The following CELF4 variants were observed in gnomAD, a reference collection of about 807,000 sequenced individuals.
CELF4 encodes the protein CUG-BP- and ETR-3-like factor 4.
In CELF4, 18 loss-of-function variants were observed where a neutral mutation model predicts 59.9. The ratio of observed to expected loss-of-function variants is 0.30; its 90% confidence interval spans 0.21 to 0.45. The LOEUF (loss-of-function observed/expected upper bound fraction) is 0.45. CELF4 is among the 20% of genes least tolerant of loss of function. The pLI is 1.00. For missense variants in CELF4, 456 were observed against 689.0 expected, an observed-to-expected ratio of 0.66 and a Z score of 3.79; for synonymous variants, 261 against 267.1, an observed-to-expected ratio of 0.98 and a Z score of 0.22.
In CELF4 at chr18:37,270,335, A is replaced by G. The variant is rs375482754; in HGVS notation, c.1099+433T>C. ...CTGGTCTGTACTAGACAGACTGCCA[A>G]TCGTTATACCTCCCTCCACTCCTTC... On this transcript the variant is annotated intron_variant, in intron 8 of 12. Coordinates refer to ENST00000420428, the MANE Select transcript of CELF4 (RefSeq NM_020180.4). 3.9e-5 allele frequency among the ~76,000 whole-genome samples: 6 copies of G among 152,330 alleles called. No homozygotes were observed. In the South Asian group the frequency reaches 8.3e-4, roughly 21 times the overall value.
At chr18:37,448,371 G>A (rs2099753948) in intron 2 of CELF4, among the ~76,000 whole-genome samples, 1 of 152,236 alleles carries the variant, frequency 6.6e-6, no homozygotes, top group Non-Finnish European at 1.5e-5. Flanking sequence ...CCTCTGAGGT[G>A]TGCCTCCAGC....
At chr18:37,346,078 G>A (rs540255943) in intron 2 of CELF4, among the ~76,000 whole-genome samples, 35 of 152,312 alleles carry the variant, frequency 2.3e-4, no homozygotes, top group African/African-American at 7.7e-4. Context: ...CTGCTGGTCC[G>A]CCACAGAGGC....
intron 1 of CELF4, among the ~76,000 whole-genome samples, chr18:37,509,432 A>T (rs1201625834): frequency 6.9e-6 from 1 of 145,370 alleles, no homozygotes; most frequent in East Asian, 1.9e-4. Flanking sequence ...TTGACCCAAG[A>T]CTTGATCTAT....
At chr18:37,426,845 G>A (rs1392529994) in intron 2 of CELF4, among the ~76,000 whole-genome samples, 2 of 152,022 alleles carry the variant, frequency 1.3e-5, no homozygotes, top group African/African-American at 4.8e-5. Flanking sequence ...ATATGCATTT[G>A]TGAGAGATGA....
chr18:37,313,211 G>A (rs775178071), intron 3 of CELF4, among the ~76,000 whole-genome samples: 1 of 152,184 alleles, frequency 6.6e-6, no homozygotes, highest in Non-Finnish European at 1.5e-5. Flanking sequence ...GGACATGCTG[G>A]ACCTGGGAGG....
intron 2 of CELF4, among the ~76,000 whole-genome samples, chr18:37,413,776 G>A (rs183410147): frequency 6.6e-6 from 1 of 152,310 alleles, no homozygotes; most frequent in East Asian, 1.9e-4. Flanking sequence ...TCTCCAAGGA[G>A]CCTATCATCC....
intron 2 of CELF4, among the ~76,000 whole-genome samples, chr18:37,401,548 A>T (rs2099326867): frequency 6.6e-6 from 1 of 152,176 alleles, no homozygotes; most frequent in South Asian, 2.1e-4. Flanking sequence ...TCCTCAGAAC[A>T]GCCTTATGAG....
At chr18:37,446,812 T>C (rs1161882524) in intron 2 of CELF4, among the ~76,000 whole-genome samples, 3 of 152,018 alleles carry the variant, frequency 2.0e-5, no homozygotes, top group Non-Finnish European at 4.4e-5. Flanking sequence ...GAGAAGACCA[T>C]GGTGTTGCTG....
At chr18:37,252,036 C>T (rs1342717489) in intron 12 of CELF4, among the ~76,000 whole-genome samples, 1 of 152,078 alleles carries the variant, frequency 6.6e-6, no homozygotes. Flanking sequence ...GAGAGAAGGC[C>T]CCTGCTCTCT....
Position 37,246,064 on chromosome 18 carries a change from C to G in CELF4, c.*45-867G>C, listed in dbSNP as rs1020903278. On this transcript the variant is annotated intron_variant, in intron 12 of 12. Transcript: ENST00000420428. The surrounding 1 kb of genome is among the most constrained non-coding windows in gnomAD (Gnocchi z 5.3). ...TCATGATCTGACTAGAATCAGAAGG[C>G]GAATGCTTAATCATTGTGAATTAAC... Among the ~76,000 whole-genome samples, 4 of 152,138 alleles carry G rather than the reference C, an allele frequency of 2.6e-5. No homozygotes were observed. Among genetic ancestry groups the G allele is most frequent in the African/African-American group, 9.7e-5 (4 of 41,410 alleles).
At chr18:37,363,932 G>C (rs189796465) in intron 2 of CELF4, among the ~76,000 whole-genome samples, 2 of 152,318 alleles carry the variant, frequency 1.3e-5, no homozygotes, top group East Asian at 3.9e-4. Context: ...GAGGCGGCTA[G>C]TGGTGTGGAC....
intron 2 of CELF4, 76 bp downstream of exon 2, chr18:37,485,449 C>T (rs1489914504): frequency 3.2e-6 from 3 of 942,746 alleles, no homozygotes; most frequent in Admixed American, 1.0e-4. Flanking sequence ...CCCCGCGCGC[C>T]GCGCCGCCGC....
At chr18:37,352,968 T>C (rs1279198084) in intron 2 of CELF4, among the ~76,000 whole-genome samples, 1 of 151,926 alleles carries the variant, frequency 6.6e-6, no homozygotes, top group South Asian at 2.1e-4. Flanking sequence ...ACGCCTGTAA[T>C]CCCAGCACTT....
chr18:37,281,196 C>T (rs376429616), intron 3 of CELF4, among the ~76,000 whole-genome samples: 3 of 152,198 alleles, frequency 2.0e-5, no homozygotes, highest in South Asian at 2.1e-4. Flanking sequence ...ACCCTAGCCA[C>T]GTGGGAAGCA....
rs1454681516 is a variant in CELF4 at position 37,302,222 on chromosome 18, A to G, written c.448+19581T>C. ...GATGGAGTTACCTGTCCAATGCCCCACCTCATCAGAGCCCCTCCCCTCCCC... is the reference window on the plus strand; with the variant it reads ...GATGGAGTTACCTGTCCAATGCCCCGCCTCATCAGAGCCCCTCCCCTCCCC... On this transcript the variant is annotated intron_variant, in intron 3 of 12. Transcript: ENST00000420428. 2.6e-5 allele frequency among the ~76,000 whole-genome samples: 4 copies of G among 152,060 alleles called. No homozygotes were observed. In the East Asian group the frequency reaches 5.8e-4, roughly 22 times the overall value.
chr18:37,546,383 T>C (rs1402019102), intron 1 of CELF4, among the ~76,000 whole-genome samples: 2 of 148,316 alleles, frequency 1.3e-5, no homozygotes, highest in African/African-American at 5.3e-5. Flanking sequence ...CCCACGCACA[T>C]GTATGCGCAC....
intron 1 of CELF4, among the ~76,000 whole-genome samples, chr18:37,564,323 A>G (rs2099987483): frequency 6.6e-6 from 1 of 152,092 alleles, no homozygotes; most frequent in African/African-American, 2.4e-5. Flanking sequence ...TTCGTCACCC[A>G]CCAGCCACCC....
At chr18:37,310,815 C>T (rs1188002619) in intron 3 of CELF4, among the ~76,000 whole-genome samples, 1 of 152,210 alleles carries the variant, frequency 6.6e-6, no homozygotes, top group African/African-American at 2.4e-5. Flanking sequence ...GAGGACACCA[C>T]CTAGCCCTGG....
chr18:37,322,426 G>C (rs751496501), intron 2 of CELF4, among the ~76,000 whole-genome samples: 6 of 152,234 alleles, frequency 3.9e-5, no homozygotes, highest in Non-Finnish European at 8.8e-5. Flanking sequence ...GGTTAAAGCA[G>C]AGCTCAGGGC....
Sources: gnomAD v4.1 joint callset for allele counts (sites outside exome capture counted in the v4.1 genomes callset) on GRCh38, gnomAD v4.1.1 for gene constraint, Gnocchi (gnomAD v3.1) non-coding constraint, MANE v1.5 for transcripts, NCBI Gene and HGNC (gene_info 2026-07-23, HGNC 2026-07-21) for gene names.